The following SHOX variants were observed in gnomAD, a reference collection of about 807,000 sequenced individuals.
SHOX encodes the protein SHOX homeobox.
Under a neutral mutation model 29.6 loss-of-function variants are expected in SHOX, and 12 were observed. The ratio of observed to expected loss-of-function variants is 0.41; its 90% confidence interval spans 0.26 to 0.66. The LOEUF (loss-of-function observed/expected upper bound fraction) is 0.66. Ranked by LOEUF, SHOX falls within the 30% of genes least tolerant of loss-of-function variation. The pLI is 0.35. For missense variants in SHOX, 499 were observed against 437.7 expected (o/e 1.14, Z -1.25); for synonymous variants, 214 against 200.6 (o/e 1.07, Z -0.57).
At position 644,497 on chromosome X, in the gene SHOX, G is replaced by T; in HGVS notation, c.740G>T (p.Gly247Val). ...CTGATGTTCCCCCCGCCGCCCTTCG[G>T]GCTGCCCATCGCGTCGCTGGCCGAG... ...PYLMFPPPPF[G>V]LPIASLAESA... Residue 247 changes from glycine (G) to valine (V), a missense_variant, in exon 5 of 5, where the codon GGG (glycine) becomes GTG (valine). Gly to Val is a moderately radical substitution (Grantham distance 109). Coordinates refer to ENST00000686671, the MANE Select transcript of SHOX (RefSeq NM_000451.4). 1 of 1,522,508 alleles carries T rather than the reference G, an allele frequency of 6.6e-7. No individual in the cohort carries two copies. The highest frequency in any genetic ancestry group is 8.8e-7 in the Non-Finnish European group (1 of 1,141,938). The allele number at this position is 1,522,508 out of a possible 1,614,324, so 94.3% of individuals were successfully genotyped here.
chrX:634,895 G>A (rs1188501186), intron 2 of SHOX, 69 bp downstream of exon 2: 7 of 1,483,816 alleles, frequency 4.7e-6, no homozygotes, highest in South Asian at 1.2e-5. Context: ...CACAGCACGC[G>A]TACAGCCACC....
chrX:644,369 C>A, intron 4 of SHOX, 22 bp from the exon 5 acceptor site: 1 of 1,515,790 alleles, frequency 6.6e-7, no homozygotes, highest in Admixed American at 2.0e-5. Flanking sequence ...GCGCCCTCAC[C>A]CCGCCGGGTC....
chrX:650,126 T>C lies in SHOX; in HGVS notation c.*5490T>C. ...TCACAGGCAGTGGTGACAGGGCCCC[T>C]TGGCTGTGGCTGTCTTCTCCAGCGC... On this transcript the variant is annotated 3_prime_UTR_variant, in exon 5 of 5. Transcript: ENST00000686671. 1 of 425,628 alleles carries C rather than the reference T, an allele frequency of 2.3e-6. No homozygotes were observed. Among genetic ancestry groups the C allele is most frequent in the South Asian group, 1.7e-5 (1 of 57,290 alleles). The allele number at this position is 425,628 out of a possible 1,614,324, so 26.4% of individuals were successfully genotyped here. A position where few individuals can be genotyped will look rare whatever the true frequency, so the allele number is the denominator to read the frequency against.
intron 5 of SHOX, among the ~76,000 whole-genome samples, chrX:657,352 T>C (rs59072681): frequency 0.22 from 34,120 of 151,986 alleles, 4,518 homozygotes; most frequent in East Asian, 0.43. Context: ...AGCCTCTGCA[T>C]GGGGTCTGTC....
chrX:632,594 G>A (rs757171999), intron 1 of SHOX, among the ~76,000 whole-genome samples: 5 of 152,272 alleles, frequency 3.3e-5, no homozygotes, highest in Admixed American at 6.5e-5. Context: ...GAGTGGCCCC[G>A]GGAAATAGCC....
intron 1 of SHOX, among the ~76,000 whole-genome samples, chrX:625,081 C>CCCTT (rs1394493264): frequency 2.2e-4 from 27 of 121,370 alleles, no homozygotes; most frequent in African/African-American, 7.8e-4. Context: ...CTCCTTCTCT[C>CCCTT]CCTCCCTCCC....
chrX:655,466 G>T (rs888512646), downstream of SHOX, among the ~76,000 whole-genome samples: 120 of 151,704 alleles, frequency 7.9e-4, 1 homozygote, highest in Non-Finnish European at 1.1e-3. Flanking sequence ...TTAGCCAGCT[G>T]TGGTGGCTCC....
intron 1 of SHOX, among the ~76,000 whole-genome samples, chrX:625,368 A>AT (rs2052504338): frequency 6.6e-6 from 1 of 152,120 alleles, no homozygotes; most frequent in Admixed American, 6.5e-5. Context: ...ACGCTTGGCA[A>AT]AAGGCATTTC....
downstream of SHOX, among the ~76,000 whole-genome samples, chrX:655,846 G>A (rs1159808747): frequency 1.3e-5 from 2 of 151,968 alleles, no homozygotes; most frequent in Non-Finnish European, 2.9e-5. Context: ...AAGACACGCT[G>A]AGAAAGGAGA....
At chrX:643,259 C>CT (rs2052894700) in intron 4 of SHOX, among the ~76,000 whole-genome samples, 4 of 141,816 alleles carry the variant, frequency 2.8e-5, no homozygotes, top group Admixed American at 1.4e-4. Context: ...GACCTGGTGT[C>CT]CTGGGAGAGG....
Position 634,801 on chromosome X carries a change from T to G in SHOX, c.461T>G (p.Leu154Arg). Reference sequence around the variant, plus strand: ...ATGCGCGAGGAGCTCAGCCAGCGCCTGGGGCTCTCCGAGGCGCGCGTGCAG... The same window carrying G: ...ATGCGCGAGGAGCTCAGCCAGCGCCGGGGGCTCTCCGAGGCGCGCGTGCAG... ...AFMREELSQR[L>R]GLSEARVQVW... The change falls in exon 2 of 5, where the codon CTG (leucine) becomes CGG (arginine). Residue 154 changes from leucine to arginine, a missense_variant. Leu to Arg is a moderately radical substitution (Grantham distance 102, BLOSUM62 -2). Transcript: ENST00000686671. 1 of 1,587,782 alleles carries G rather than the reference T, an allele frequency of 6.3e-7. No individual in the cohort carries two copies. The highest frequency in any genetic ancestry group is 8.6e-7 in the Non-Finnish European group (1 of 1,167,442).
At position 651,421 on chromosome X, in the gene SHOX, A is replaced by AC. The variant is rs763631292; in HGVS notation, c.*6787dup. 2.2e-6 allele frequency: 1 copy of AC among 452,184 alleles called. No individual in the cohort carries two copies. The highest frequency in any genetic ancestry group is 2.0e-5 in the African/African-American group (1 of 49,390). 28.0% of individuals were successfully genotyped at this position (452,184 alleles called of 1,614,324 possible). On this transcript the variant is annotated 3_prime_UTR_variant, in exon 5 of 5. Coordinates refer to ENST00000686671, the MANE Select transcript of SHOX (RefSeq NM_000451.4). ...AACAAACAAACAAACAGAAAAAAAA[A>AC]CCAAAAAAAACCACCCTGAGTTTCT...
chrX:643,537 G>A (rs1295957996), intron 4 of SHOX, among the ~76,000 whole-genome samples: 1 of 142,372 alleles, frequency 7.0e-6, no homozygotes, highest in African/African-American at 2.8e-5. Flanking sequence ...TGTCTCGGGA[G>A]TGCCTTGGGG....
chrX:627,653 C>T (rs761263546), upstream of SHOX, among the ~76,000 whole-genome samples: 13 of 149,042 alleles, frequency 8.7e-5, no homozygotes, highest in East Asian at 5.8e-4. Flanking sequence ...TCTCCGAGGC[C>T]GAGGGGCCTT....
chrX:643,629 A>T (rs771554614), intron 4 of SHOX, among the ~76,000 whole-genome samples: 262 of 93,842 alleles, frequency 2.8e-3, no homozygotes, highest in Non-Finnish European at 4.4e-3. Flanking sequence ...AGCCTTGGGG[A>T]TCTGGTGTCC....
upstream of SHOX, among the ~76,000 whole-genome samples, chrX:628,255 CTT>C (rs2052576600): frequency 9.7e-6 from 1 of 103,080 alleles, no homozygotes; most frequent in Admixed American, 9.8e-5. Context: ...CAGTCTCTCC[CTT>C]TCTCTCTCTC....
chrX:652,239 G>A (rs909077209), downstream of SHOX, among the ~76,000 whole-genome samples: 5 of 151,916 alleles, frequency 3.3e-5, no homozygotes, highest in Non-Finnish European at 5.9e-5. Context: ...ACAGTGGCAC[G>A]GATTTTCCAG....
In SHOX at chrX:651,411, A is replaced by AAAC. The variant is rs201534231; in HGVS notation, c.*6775_*6776insAAC. 2 of 442,496 alleles carry AAAC rather than the reference A, an allele frequency of 4.5e-6. No individual in the cohort carries two copies. Among genetic ancestry groups the AAAC allele is most frequent in the Non-Finnish European group, 4.5e-6 (1 of 220,822 alleles). The allele number at this position is 442,496 out of a possible 1,614,324, so 27.4% of individuals were successfully genotyped here. A position where few individuals can be genotyped will look rare whatever the true frequency, so the allele number is the denominator to read the frequency against. On this transcript the variant is annotated 3_prime_UTR_variant, in exon 5 of 5. Transcript: ENST00000686671. ...GTAGAAAAAAAACAAACAAACAAAC[A>AAAC]GAAAAAAAAACCAAAAAAAACCACC...
chrX:633,773 C>G (rs917145828), intron 1 of SHOX, among the ~76,000 whole-genome samples: 2 of 152,010 alleles, frequency 1.3e-5, no homozygotes, highest in Non-Finnish European at 2.9e-5. Flanking sequence ...TTCCACCAGC[C>G]CTGGGTTGAA....
Sources: gnomAD v4.1 joint callset for allele counts (sites outside exome capture counted in the v4.1 genomes callset) on GRCh38, gnomAD v4.1.1 for gene constraint, MANE v1.5 for transcripts, NCBI Gene and HGNC (gene_info 2026-07-23, HGNC 2026-07-21) for gene names.